The following DNAI7 variants were observed in gnomAD, a reference collection of about 807,000 sequenced individuals.
DNAI7 encodes the protein dynein axonemal intermediate chain 7.
In DNAI7, 78 loss-of-function variants were observed where a neutral mutation model predicts 86.6. That is an observed-to-expected ratio of 0.90 (90% confidence interval 0.75 to 1.09). DNAI7 has a LOEUF of 1.09. Among genes scored for constraint, DNAI7 ranks in the 50% least tolerant of loss-of-function variants. DNAI7 has a pLI of 0.00. For missense variants in DNAI7, 753 were observed against 810.2 expected (o/e 0.93, Z 0.86); for synonymous variants, 274 against 273.0 (o/e 1.00, Z -0.04).
rs567029355 is a variant in DNAI7 at position 25,160,620 on chromosome 12, C to A, written c.106+493G>T. Among the ~76,000 whole-genome samples, 34 of 152,286 alleles carry A rather than the reference C, an allele frequency of 2.2e-4. 1 individual carries two copies. Among genetic ancestry groups the A allele is most frequent in the African/African-American group, 7.7e-4 (32 of 41,552 alleles). Reference sequence around the variant, plus strand: ...AGGGGAATGACACAGTAGCAGGGGCCACAGGCGCCAGGGATAAGAACCCCT... The same window carrying A: ...AGGGGAATGACACAGTAGCAGGGGCAACAGGCGCCAGGGATAAGAACCCCT... On this transcript the variant is annotated intron_variant, in intron 3 of 15. Transcript: ENST00000395987.
chr12:25,139,958 T>C (rs12427150), intron 9 of DNAI7, among the ~76,000 whole-genome samples: 15,378 of 152,128 alleles, frequency 0.1, 1,141 homozygotes, highest in Non-Finnish European at 0.14. Flanking sequence ...ATATACCACA[T>C]AGAATTAAAA....
chr12:25,130,536 CAAAAT>C (rs10557708), intron 9 of DNAI7, among the ~76,000 whole-genome samples: 8,413 of 145,970 alleles, frequency 0.058, 379 homozygotes, highest in African/African-American at 0.12. Context: ...GACTCCCTCT[CAAAAT>C]AAAATAAAAT....
intron 12 of DNAI7, among the ~76,000 whole-genome samples, chr12:25,116,210 G>T (rs948384225): frequency 6.6e-6 from 1 of 150,956 alleles, no homozygotes. Context: ...GGAGGGTTCT[G>T]TTGACAAGTT....
chr12:25,144,888 T>C (rs1286622257), intron 8 of DNAI7, among the ~76,000 whole-genome samples: 1 of 152,184 alleles, frequency 6.6e-6, no homozygotes, highest in Non-Finnish European at 1.5e-5. Flanking sequence ...CACAGTCTTC[T>C]CCATCTCTGG....
intron 9 of DNAI7, among the ~76,000 whole-genome samples, chr12:25,136,405 A>G (rs1425104613): frequency 4.6e-5 from 7 of 152,204 alleles, no homozygotes; most frequent in Admixed American, 3.9e-4. Context: ...ATGAATCTGA[A>G]AAGCAGCCCT....
chr12:25,115,128 A>G lies in DNAI7; in HGVS notation c.1397-258T>C, dbSNP rs536549506. On this transcript the variant is annotated intron_variant, in intron 12 of 15. Transcript: ENST00000395987. ...CATCCCTTGCCACTCCTCAAGGGAA[A>G]AAGTTTTTCTCTTTTCAGCCCCACT... Among the ~76,000 whole-genome samples, 6 of 152,286 alleles carry G rather than the reference A, an allele frequency of 3.9e-5. No homozygotes were observed. The South Asian group carries it at 1.0e-3, about 26-fold the overall frequency.
chr12:25,182,740 T>C (rs73071272), intron 2 of DNAI7, among the ~76,000 whole-genome samples: 5 of 151,022 alleles, frequency 3.3e-5, no homozygotes, highest in African/African-American at 7.3e-5. Flanking sequence ...CTGGGCAACA[T>C]AGAATGATCT....
chr12:25,137,320 G>A (rs140258343), intron 9 of DNAI7, among the ~76,000 whole-genome samples: 8,952 of 152,112 alleles, frequency 0.059, 361 homozygotes, highest in Non-Finnish European at 0.089. Context: ...GTCTTTTTCA[G>A]ACAAACAAAT....
At chr12:25,172,189 C>T (rs1343966369) in intron 2 of DNAI7, among the ~76,000 whole-genome samples, 1 of 151,834 alleles carries the variant, frequency 6.6e-6, no homozygotes, top group East Asian at 1.9e-4. Flanking sequence ...TGTTTGCTGG[C>T]AATATGATAG....
At chr12:25,122,092 C>G (rs2140469165) in intron 10 of DNAI7, among the ~76,000 whole-genome samples, 179 bp from the exon 11 acceptor site, 1 of 152,230 alleles carries the variant, frequency 6.6e-6, no homozygotes, top group East Asian at 1.9e-4. Flanking sequence ...TGGAAACAGG[C>G]ATGAGTAATG....
chr12:25,149,784 A>G lies in DNAI7; in HGVS notation c.439-10T>C, dbSNP rs771549059. 2.8e-6 allele frequency: 4 copies of G among 1,447,120 alleles called. No homozygotes were observed. Among genetic ancestry groups the G allele is most frequent in the Non-Finnish European group, 3.8e-6 (4 of 1,039,260 alleles). 89.6% of individuals were successfully genotyped at this position (1,447,120 alleles called of 1,614,324 possible). On this transcript the variant is annotated splice_polypyrimidine_tract_variant and intron_variant, in intron 6 of 15. Transcript: ENST00000395987. ...TCAATTTCTCAATTAACTGTAAAGT[A>G]AAAGAATATTTGCATTAATTCTCAG...
chr12:25,169,847 C>CAAAAAA (rs1173396136), intron 2 of DNAI7, among the ~76,000 whole-genome samples: 1 of 66,710 alleles, frequency 1.5e-5, no homozygotes, highest in African/African-American at 3.9e-5. Context: ...GACTCTGTCT[C>CAAAAAA]AAAAAAAAAA....
intron 2 of DNAI7, among the ~76,000 whole-genome samples, chr12:25,171,603 C>G (rs941458906): frequency 6.6e-6 from 1 of 152,004 alleles, no homozygotes; most frequent in African/African-American, 2.4e-5. Context: ...AAGAAGGAAC[C>G]CTCCCTAATT....
chr12:25,169,607 G>A (rs185794249), intron 2 of DNAI7, among the ~76,000 whole-genome samples: 71 of 152,288 alleles, frequency 4.7e-4, no homozygotes, highest in Non-Finnish European at 9.9e-4. Flanking sequence ...CAGCACTTTG[G>A]GAGGCCAAGG....
chr12:25,124,744 G>A lies in DNAI7; in HGVS notation c.1003-1458C>T, dbSNP rs372305604. On this transcript the variant is annotated intron_variant, in intron 9 of 15. Coordinates refer to ENST00000395987, the MANE Select transcript of DNAI7 (RefSeq NM_018272.5). ...TAGGTATGAAGCCTAGTACCCAATAGTTATTTTTCTGCTCCTTGCTCTCCT... is the reference window on the plus strand; with the variant it reads ...TAGGTATGAAGCCTAGTACCCAATAATTATTTTTCTGCTCCTTGCTCTCCT... Among the ~76,000 whole-genome samples, 17 of 152,238 alleles carry A rather than the reference G, an allele frequency of 1.1e-4. No individual in the cohort carries two copies. In the South Asian group the frequency reaches 3.3e-3, roughly 30 times the overall value.
Position 25,108,393 on chromosome 12 carries a change from T to C in DNAI7, c.*155A>G, listed in dbSNP as rs1020511761. ...GTATTCAAAGGAAAAAAAAATACTG[T>C]TTTTAAAATAAAACTTGAGTAGAAA... is the stretch of plus-strand genomic sequence containing the variant. On this transcript the variant is annotated 3_prime_UTR_variant, in exon 16 of 16. Coordinates refer to ENST00000395987, the MANE Select transcript of DNAI7 (RefSeq NM_018272.5). 7.3e-6 allele frequency: 5 copies of C among 680,330 alleles called. No individual in the cohort carries two copies. Among genetic ancestry groups the C allele is most frequent in the Non-Finnish European group, 1.1e-5 (5 of 438,526 alleles). 42.1% of individuals were successfully genotyped at this position (680,330 alleles called of 1,614,324 possible). A position where few individuals can be genotyped will look rare whatever the true frequency, so the allele number is the denominator to read the frequency against.
chr12:25,149,686 A>G lies in DNAI7; in HGVS notation c.527T>C (p.Leu176Pro). The G allele has an allele frequency of 2.5e-6, 4 of 1,600,188 alleles. No homozygotes were observed. The highest frequency in any genetic ancestry group is 3.4e-6 in the Non-Finnish European group (4 of 1,168,910). Reference protein sequence around the residue: ...KNIIQYQESILQLQELLHLKF... With the variant: ...KNIIQYQESIPQLQELLHLKF... ...AAGATGAAGGAGCTCCTGCAGTTGT[A>G]GTATTGATTCTTGGTACTGTATTAT... The change falls in exon 7 of 16, where the codon CTA becomes CCA. Residue 176 changes from leucine to proline, a missense_variant. Coordinates refer to ENST00000395987, the MANE Select transcript of DNAI7 (RefSeq NM_018272.5).
rs549289379 is a variant in DNAI7 at position 25,174,431 on chromosome 12, T to C, written c.22-13234A>G. 5.3e-5 allele frequency among the ~76,000 whole-genome samples: 4 copies of C among 74,864 alleles called. No homozygotes were observed. The South Asian group carries it at 1.2e-3, about 23-fold the overall frequency. The allele number at this position is 74,864 out of a possible 152,430, so 49.1% of individuals were successfully genotyped here. A position where few individuals can be genotyped will look rare whatever the true frequency, so the allele number is the denominator to read the frequency against. On this transcript the variant is annotated intron_variant, in intron 2 of 15. Coordinates refer to ENST00000395987, the MANE Select transcript of DNAI7 (RefSeq NM_018272.5). ...GGATATATGGGATATATATATCATA[T>C]ATATCATATATATGGGATATATATA...
At chr12:25,137,306 TAA>T (rs532630590) in intron 9 of DNAI7, among the ~76,000 whole-genome samples, 4 of 152,130 alleles carry the variant, frequency 2.6e-5, no homozygotes, top group Admixed American at 6.6e-5. Context: ...GAAGGAAAGA[TAA>T]AGTCTTTTTC....
Sources: gnomAD v4.1 joint callset for allele counts (sites outside exome capture counted in the v4.1 genomes callset) on GRCh38, gnomAD v4.1.1 for gene constraint, MANE v1.5 for transcripts, NCBI Gene and HGNC (gene_info 2026-07-23, HGNC 2026-07-21) for gene names.